CEP112: variants seen among roughly 807,000 people sequenced by gnomAD.
CEP112 encodes the protein centrosomal protein 112, also known as centrosomal protein of 112 kDa.
CEP112 carries 127 observed loss-of-function variants against 153.0 expected under a neutral mutation model. The ratio of observed to expected loss-of-function variants is 0.83; its 90% CI spans 0.72 to 0.96. The LOEUF (loss-of-function observed/expected upper bound fraction) is 0.96. Ranked by LOEUF, CEP112 falls within the 40% of genes least tolerant of loss-of-function variation. The pLI is 0.00. For missense variants in CEP112, 1,089 were observed against 1,101.2 expected (o/e 0.99, Z 0.16); for synonymous variants, 358 against 374.4 (o/e 0.96, Z 0.51).
chr17:65,926,467 T>A (rs1428431982), intron 19 of CEP112, among the ~76,000 whole-genome samples: 1 of 152,072 alleles, frequency 6.6e-6, no homozygotes, highest in Admixed American at 6.5e-5. Flanking sequence ...AATCACAGCA[T>A]TTTGGGAGGC....
intron 24 of CEP112, among the ~76,000 whole-genome samples, chr17:65,677,827 A>G (rs2047310823): frequency 6.6e-6 from 1 of 152,090 alleles, no homozygotes. Context: ...GCATGAGAAT[A>G]GCTTGAACCC....
intron 4 of CEP112, among the ~76,000 whole-genome samples, chr17:66,148,797 A>C (rs1221265841): frequency 6.6e-6 from 1 of 152,184 alleles, no homozygotes. Context: ...GTCTGTGAAC[A>C]AAGATAATTT....
chr17:65,727,870 G>A (rs2144948568), intron 23 of CEP112, among the ~76,000 whole-genome samples: 1 of 152,260 alleles, frequency 6.6e-6, no homozygotes, highest in Non-Finnish European at 1.5e-5. Flanking sequence ...AAAAGGAGAA[G>A]CAAAGCCCAG....
At chr17:66,134,253 A>G (rs2070334487) in intron 4 of CEP112, among the ~76,000 whole-genome samples, 1 of 152,240 alleles carries the variant, frequency 6.6e-6, no homozygotes, top group Non-Finnish European at 1.5e-5. Flanking sequence ...ACAGGGTTGC[A>G]TACATAAAAC....
intron 19 of CEP112, among the ~76,000 whole-genome samples, chr17:65,925,164 A>C (rs1393508496): frequency 6.6e-6 from 1 of 152,198 alleles, no homozygotes; most frequent in Non-Finnish European, 1.5e-5. Flanking sequence ...TCATGGTAGT[A>C]AATAAGTCTC....
intron 18 of CEP112, among the ~76,000 whole-genome samples, chr17:65,954,373 C>T (rs2061937998): frequency 6.6e-6 from 1 of 152,098 alleles, no homozygotes; most frequent in Non-Finnish European, 1.5e-5. Flanking sequence ...GCAGCAAACC[C>T]CAGATCTTCC....
rs9909308 is a variant in CEP112 at position 65,832,610 on chromosome 17, G to A, written c.2394+19194C>T. 3.2e-3 allele frequency among the ~76,000 whole-genome samples: 479 copies of A among 151,866 alleles called. 3 individuals are homozygous for A. Among genetic ancestry groups the A allele is most frequent in the African/African-American group, 0.011 (455 of 41,322 alleles). ...ACAAACTAGAACACCTAGAAGAGAT[G>A]GATTAATTCCTGGACACATACATCC... On this transcript the variant is annotated intron_variant, in intron 21 of 26. Transcript: ENST00000535342.
intron 17 of CEP112, among the ~76,000 whole-genome samples, chr17:65,988,930 A>C (rs1183257349): frequency 6.6e-6 from 1 of 152,058 alleles, no homozygotes; most frequent in Non-Finnish European, 1.5e-5. Flanking sequence ...GAAGGTAAGA[A>C]AGCACCAAAC....
chr17:66,175,140 C>T lies in CEP112; in HGVS notation c.374G>A (p.Gly125Asp). 1.9e-6 allele frequency: 3 copies of T among 1,613,422 alleles called. No homozygotes were observed. The highest frequency in any genetic ancestry group is 2.5e-6 in the Non-Finnish European group (3 of 1,179,648). Residue 125 changes from glycine to aspartate, a missense_variant, in exon 4 of 27, where the codon GGT becomes GAT. Gly to Asp is a moderately conservative substitution (Grantham distance 94, BLOSUM62 -1). Coordinates refer to ENST00000535342, the MANE Select transcript of CEP112 (RefSeq NM_001199165.4). Reference sequence around the variant, plus strand: ...TTTGTGTTCACTTGTCTCCAGCTCACCCAGTACCCAGGCTGGTAATCCCTC... The same window carrying T: ...TTTGTGTTCACTTGTCTCCAGCTCATCCAGTACCCAGGCTGGTAATCCCTC... ...SPEGLPAWVL[G>D]ELETSEHKLN...
intron 19 of CEP112, among the ~76,000 whole-genome samples, chr17:65,918,289 C>A (rs937564548): frequency 6.6e-6 from 1 of 152,112 alleles, no homozygotes; most frequent in African/African-American, 2.4e-5. Flanking sequence ...TTGGGAATCA[C>A]GTGCTATCTG....
intron 20 of CEP112, among the ~76,000 whole-genome samples, chr17:65,891,538 C>T (rs1230715929): frequency 2.0e-5 from 3 of 152,150 alleles, no homozygotes; most frequent in Non-Finnish European, 4.4e-5. Context: ...CCCTCATTCC[C>T]CACACCCAAC....
intron 18 of CEP112, among the ~76,000 whole-genome samples, chr17:65,931,739 C>T (rs906729069): frequency 2.0e-5 from 3 of 152,224 alleles, no homozygotes; most frequent in African/African-American, 7.2e-5. Flanking sequence ...GCATACTTCC[C>T]CAGGCTCAGA....
At chr17:65,648,447 C>T (rs1286952191) in intron 24 of CEP112, among the ~76,000 whole-genome samples, 3 of 152,146 alleles carry the variant, frequency 2.0e-5, no homozygotes, top group Non-Finnish European at 4.4e-5. Flanking sequence ...CCCACTTTTC[C>T]CTCCAAGGCA....
intron 21 of CEP112, among the ~76,000 whole-genome samples, chr17:65,821,685 G>A (rs2056593991): frequency 6.7e-6 from 1 of 149,800 alleles, no homozygotes; most frequent in African/African-American, 2.5e-5. Context: ...CTGAGTAGCT[G>A]GGATTACAGG....
At chr17:66,189,581 AT>A (rs1314032298) in intron 1 of CEP112, among the ~76,000 whole-genome samples, 1 of 151,156 alleles carries the variant, frequency 6.6e-6, no homozygotes, top group Non-Finnish European at 1.5e-5. Context: ...TGAAGTATAC[AT>A]TTAAAAAAAA....
intron 17 of CEP112, among the ~76,000 whole-genome samples, chr17:65,981,686 T>C (rs1186002521): frequency 6.6e-6 from 1 of 152,152 alleles, no homozygotes; most frequent in Non-Finnish European, 1.5e-5. Context: ...GTGATTCTCC[T>C]GCCTCAGCCT....
intron 13 of CEP112, among the ~76,000 whole-genome samples, chr17:66,029,548 A>T (rs2065372969): frequency 6.6e-6 from 1 of 152,022 alleles, no homozygotes; most frequent in Non-Finnish European, 1.5e-5. Context: ...AAATAAAAAT[A>T]GAAAAATTAG....
At chr17:65,996,982 G>GTGGCTTGCCTGAGCTCAGGA (rs1229429724) in intron 17 of CEP112, among the ~76,000 whole-genome samples, 2 of 152,176 alleles carry the variant, frequency 1.3e-5, no homozygotes, top group Admixed American at 1.3e-4. Context: ...GCTGAAATGG[G>GTGGCTTGCCTGAGCTCAGGA]TGGCTTGCCT....
chr17:65,879,571 GATAAGAAAAGCCAAGACAA>G (rs1370583957), intron 20 of CEP112, among the ~76,000 whole-genome samples: 4 of 152,018 alleles, frequency 2.6e-5, no homozygotes, highest in African/African-American at 9.7e-5. Flanking sequence ...TCATCGAGCA[GATAAGAAAAGCCAAGACAA>G]ATAACTATGA....
Sources: allele counts gnomAD v4.1 joint callset (sites outside exome capture counted in the v4.1 genomes callset), GRCh38; gene constraint gnomAD v4.1.1; transcripts MANE v1.5; gene names NCBI Gene and HGNC (gene_info 2026-07-23, HGNC 2026-07-21).